Variants in ADAMTS16 observed in about 807,000 individuals in gnomAD.
The protein encoded by ADAMTS16 is A disintegrin and metalloproteinase with thrombospondin motifs 16.
ADAMTS16 carries 94 observed loss-of-function variants against 145.8 expected under a neutral mutation model. The ratio of observed to expected loss-of-function variants is 0.64; its 90% confidence interval spans 0.55 to 0.77. The LOEUF (loss-of-function observed/expected upper bound fraction) is 0.77, where lower values mean the gene tolerates loss of function less well. Among genes scored for constraint, ADAMTS16 ranks in the 30% least tolerant of loss-of-function variants. ADAMTS16 has a pLI of 0.00. For synonymous variants in ADAMTS16, 659 were observed against 604.3 expected (o/e 1.09, Z -1.33); for missense variants, 1,585 against 1,591.5 (o/e 1.00, Z 0.07).
intron 9 of ADAMTS16, among the ~76,000 whole-genome samples, chr5:5,206,949 T>G (rs1444665065): frequency 6.6e-6 from 1 of 152,228 alleles, no homozygotes; most frequent in East Asian, 1.9e-4. Flanking sequence ...TATTTGTCCA[T>G]TCTTTGTAAC....
At chr5:5,173,840 G>C (rs531173074) in intron 3 of ADAMTS16, among the ~76,000 whole-genome samples, 1 of 152,214 alleles carries the variant, frequency 6.6e-6, no homozygotes, top group African/African-American at 2.4e-5. Context: ...TAAAAATTCT[G>C]TGCTTTAACT....
At chr5:5,303,928 T>C (rs1739909549) in intron 20 of ADAMTS16, 162 bp downstream of exon 20, 4 of 801,180 alleles carry the variant, frequency 5.0e-6, no homozygotes, top group Non-Finnish European at 7.7e-6. Context: ...TGGGGTTGCT[T>C]AATCTCCTTT....
At chr5:5,313,026 C>T (rs946031898) in intron 21 of ADAMTS16, among the ~76,000 whole-genome samples, 1 of 152,218 alleles carries the variant, frequency 6.6e-6, no homozygotes, top group Admixed American at 6.5e-5. Flanking sequence ...CATTATTTAA[C>T]GTATACCCTA....
chr5:5,280,220 T>G (rs75493296), intron 18 of ADAMTS16, among the ~76,000 whole-genome samples: 137 of 152,294 alleles, frequency 9.0e-4, no homozygotes, highest in African/African-American at 2.9e-3. Flanking sequence ...TTAGATGTTC[T>G]CAGTGTTGAG....
chr5:5,303,866 C>T (rs1739907320), intron 20 of ADAMTS16, 100 bp downstream of exon 20: 1 of 1,340,856 alleles, frequency 7.5e-7, no homozygotes, highest in South Asian at 1.4e-5. Context: ...TCTCTTCTCC[C>T]CTTATATCTC....
Position 5,306,815 on chromosome 5 carries a change from G to T in ADAMTS16, c.3411+87G>T, listed in dbSNP as rs551946425. On this transcript the variant is annotated intron_variant, in intron 21 of 22. Coordinates refer to ENST00000274181, the MANE Select transcript of ADAMTS16 (RefSeq NM_139056.4). Reference sequence around the variant, plus strand: ...TGGCTCCCGGGGATGCTTCTGCGAGGGTGTTTTCCCCAAAGCTGGCCAAGC... The same window carrying T: ...TGGCTCCCGGGGATGCTTCTGCGAGTGTGTTTTCCCCAAAGCTGGCCAAGC... 1.9e-3 allele frequency: 2,529 copies of T among 1,319,790 alleles called. 5 individuals carry two copies. The highest frequency in any genetic ancestry group is 2.4e-3 in the Non-Finnish European group (2,341 of 980,034). 81.8% of individuals were successfully genotyped at this position (1,319,790 alleles called of 1,614,324 possible).
At chr5:5,185,667 G>C (rs994107917) in intron 4 of ADAMTS16, among the ~76,000 whole-genome samples, 9 of 152,192 alleles carry the variant, frequency 5.9e-5, no homozygotes, top group South Asian at 2.1e-4. Context: ...CAGCCAGCTC[G>C]TGTTCTTGTA....
At chr5:5,206,443 A>AAAAAAAAAAAAAAAAAT (rs1736121306) in intron 9 of ADAMTS16, among the ~76,000 whole-genome samples, 1 of 148,758 alleles carries the variant, frequency 6.7e-6, no homozygotes, top group Non-Finnish European at 1.5e-5. Context: ...AAAAAAAAAA[A>AAAAAAAAAAAAAAAAAT]AAAAGATCTG....
intron 11 of ADAMTS16, among the ~76,000 whole-genome samples, chr5:5,229,125 C>A: frequency 6.6e-6 from 1 of 151,260 alleles, no homozygotes; most frequent in Non-Finnish European, 1.5e-5. Flanking sequence ...GGTGAAACCC[C>A]GTCTCTACTA....
At chr5:5,279,706 T>C (rs1738826166) in intron 18 of ADAMTS16, among the ~76,000 whole-genome samples, 1 of 142,866 alleles carries the variant, frequency 7.0e-6, no homozygotes, top group Non-Finnish European at 1.6e-5. Flanking sequence ...CTTCCAGGTT[T>C]TCTGCTTTTT....
intron 18 of ADAMTS16, among the ~76,000 whole-genome samples, chr5:5,284,379 C>T (rs2126477078): frequency 6.6e-6 from 1 of 152,290 alleles, no homozygotes. Context: ...TACCTCTAAC[C>T]TTTCAATAGT....
intron 10 of ADAMTS16, among the ~76,000 whole-genome samples, chr5:5,220,793 G>T (rs1416325613): frequency 1.3e-5 from 2 of 152,026 alleles, no homozygotes; most frequent in Non-Finnish European, 2.9e-5. Flanking sequence ...ACATCTGCTT[G>T]CAAAATTCAC....
intron 9 of ADAMTS16, among the ~76,000 whole-genome samples, chr5:5,207,412 C>G (rs1736157611): frequency 6.6e-6 from 1 of 152,084 alleles, no homozygotes; most frequent in Non-Finnish European, 1.5e-5. Context: ...TTTGCCGTAA[C>G]TTATTAGTTC....
At chr5:5,244,969 T>A (rs928330505) in intron 17 of ADAMTS16, among the ~76,000 whole-genome samples, 10 of 152,340 alleles carry the variant, frequency 6.6e-5, no homozygotes, top group African/African-American at 2.4e-4. Context: ...CTAAGATAGT[T>A]ATTCACTGAA....
At chr5:5,273,008 G>T (rs1305425219) in intron 18 of ADAMTS16, among the ~76,000 whole-genome samples, 1 of 152,152 alleles carries the variant, frequency 6.6e-6, no homozygotes, top group East Asian at 1.9e-4. Flanking sequence ...GGCCCTTCCA[G>T]AGTCATTAGA....
intron 17 of ADAMTS16, among the ~76,000 whole-genome samples, chr5:5,256,214 TTAG>T (rs1386661384): frequency 6.6e-6 from 1 of 152,228 alleles, no homozygotes; most frequent in Non-Finnish European, 1.5e-5. Context: ...TGGCAGTATT[TTAG>T]TTGTCATGAT....
At chr5:5,187,193 C>CAT (rs1392762636) in intron 5 of ADAMTS16, among the ~76,000 whole-genome samples, 3 of 152,220 alleles carry the variant, frequency 2.0e-5, no homozygotes, top group Non-Finnish European at 4.4e-5. Context: ...CTTCAGGTTA[C>CAT]ATTCCATGGT....
chr5:5,195,123 G>A (rs1027363935), intron 8 of ADAMTS16, among the ~76,000 whole-genome samples: 1 of 152,194 alleles, frequency 6.6e-6, no homozygotes, highest in Non-Finnish European at 1.5e-5. Context: ...ACTAAGAACA[G>A]GTGTTTGGAT....
In ADAMTS16 at chr5:5,318,167, A is replaced by G; in HGVS notation, c.3445A>G (p.Arg1149Gly). 6.5e-7 allele frequency: 1 copy of G among 1,528,608 alleles called. No homozygotes were observed. The highest frequency in any genetic ancestry group is 2.4e-5 in the East Asian group (1 of 41,720). The allele number at this position is 1,528,608 out of a possible 1,614,324, so 94.7% of individuals were successfully genotyped here. A position where few individuals can be genotyped will look rare whatever the true frequency, so the allele number is the denominator to read the frequency against. ...TASCGGGVQT[R>G]SVQCLAGGRP... ...CAGCTGTGGGGGAGGCGTTCAGACG[A>G]GGTCCGTGCAGTGCCTGGCTGGGGG... The change falls in exon 22 of 23, where the codon AGG becomes GGG. Residue 1149 changes from arginine (R) to glycine (G), a missense_variant. Physicochemically the swap from Arg to Gly is moderately radical, Grantham distance 125. Around this residue, in one of 3 missense-constraint regions of ADAMTS16, gnomAD observed 834 missense variants for 811.7 expected, o/e 1.03. Transcript: ENST00000274181.
Sources: gnomAD v4.1 joint callset for allele counts (sites outside exome capture counted in the v4.1 genomes callset) on GRCh38, gnomAD v4.1.1 for gene constraint, gnomAD v4.1.1 regional missense constraint, MANE v1.5 for transcripts, NCBI Gene and HGNC (gene_info 2026-07-23, HGNC 2026-07-21) for gene names.